Variants in RNF144A observed in about 807,000 individuals in gnomAD.
RNF144A encodes E3 ubiquitin-protein ligase RNF144A.
RNF144A carries 11 observed loss-of-function variants against 38.7 expected under a neutral mutation model. The ratio of observed to expected loss-of-function variants is 0.28; its 90% CI spans 0.18 to 0.47. RNF144A has a LOEUF of 0.47. Ranked by LOEUF, RNF144A falls within the 20% of genes least tolerant of loss-of-function variation. The probability of loss-of-function intolerance (pLI) is 0.99; values close to 1 mark genes in which losing one functional copy is unlikely to be tolerated. For missense variants in RNF144A, 316 were observed against 377.2 expected (o/e 0.84, Z 1.34); for synonymous variants, 149 against 143.9 (o/e 1.04, Z -0.25).
At chr2:7,011,257 C>T (rs1356781332) in intron 3 of RNF144A, among the ~76,000 whole-genome samples, 1 of 152,154 alleles carries the variant, frequency 6.6e-6, no homozygotes, top group Non-Finnish European at 1.5e-5. Flanking sequence ...CACATAGTTG[C>T]TTTTTACGGT....
chr2:6,945,544 G>T (rs1666282080), intron 2 of RNF144A, among the ~76,000 whole-genome samples: 1 of 152,158 alleles, frequency 6.6e-6, no homozygotes, highest in Non-Finnish European at 1.5e-5. Context: ...TCAACTACTG[G>T]CAAGAGAACA....
chr2:6,958,126 C>T lies in RNF144A; in HGVS notation c.-12+16979C>T, dbSNP rs1667122437. Among the ~76,000 whole-genome samples, 1 of 152,252 alleles carries T rather than the reference C, an allele frequency of 6.6e-6. No individual in the cohort carries two copies. The highest frequency in any genetic ancestry group is 1.5e-5 in the Non-Finnish European group (1 of 68,046). ...AAGCACACAGTAGTCTGCAGCCAGGCTGTCATGCGCAGCCACCATGGGGCA... is the reference window on the plus strand; with the variant it reads ...AAGCACACAGTAGTCTGCAGCCAGGTTGTCATGCGCAGCCACCATGGGGCA... On this transcript the variant is annotated intron_variant, in intron 2 of 8. Coordinates refer to ENST00000320892, the MANE Select transcript of RNF144A (RefSeq NM_014746.6). This position sits in a 1 kb window ranked among gnomAD's most constrained non-coding sequence, Gnocchi z 4.5.
chr2:6,989,390 G>T (rs910977063), intron 2 of RNF144A, among the ~76,000 whole-genome samples: 7 of 152,146 alleles, frequency 4.6e-5, no homozygotes, highest in African/African-American at 1.7e-4. Context: ...AAGGGATAGT[G>T]GCTTCAGAAC....
the RNF144A span, among the ~76,000 whole-genome samples, chr2:7,073,861 C>A: frequency 6.6e-6 from 1 of 152,358 alleles, no homozygotes; most frequent in East Asian, 1.9e-4. Flanking sequence ...CTGGTCTGTG[C>A]AGCCTGCAAG....
chr2:7,062,867 A>G lies in RNF144A; in HGVS notation c.735-5349A>G, dbSNP rs376484385. On this transcript the variant is annotated intron_variant, in intron 6 of 6. Transcript: ENST00000432850. ...ACAAATTTGATAGTTTCCAGTGAGC[A>G]CCAGTGAACCCATCAATCCTCTCCT... 3.5e-4 allele frequency: 53 copies of G among 152,350 alleles called. No homozygotes were observed. The East Asian group carries it at 6.9e-3, about 20-fold the overall frequency. 9.4% of individuals were successfully genotyped at this position (152,350 alleles called of 1,614,324 possible).
At chr2:6,992,787 T>C (rs1457468071) in intron 2 of RNF144A, among the ~76,000 whole-genome samples, 1 of 152,192 alleles carries the variant, frequency 6.6e-6, no homozygotes, top group East Asian at 1.9e-4. Flanking sequence ...CAGTGGACTA[T>C]TTTCTCTTCC....
At chr2:7,000,793 T>C (rs1321354858) in intron 3 of RNF144A, among the ~76,000 whole-genome samples, 1 of 151,786 alleles carries the variant, frequency 6.6e-6, no homozygotes, top group Admixed American at 6.6e-5. Flanking sequence ...TATTTTTTAA[T>C]GATGACAAGA....
At chr2:6,997,131 A>T in intron 3 of RNF144A, 70 bp downstream of exon 3, 1 of 1,488,590 alleles carries the variant, frequency 6.7e-7, no homozygotes, top group Non-Finnish European at 9.4e-7. Flanking sequence ...ATTTGCAGAG[A>T]CACTAGGCAA....
intron 2 of RNF144A, among the ~76,000 whole-genome samples, chr2:6,960,482 T>A (rs957313138): frequency 1.3e-5 from 2 of 151,942 alleles, no homozygotes; most frequent in Non-Finnish European, 2.9e-5. Flanking sequence ...GCAATGAGAG[T>A]GGCCAAGGTT....
chr2:7,053,571 A>C (rs2103474831), intron 6 of RNF144A, among the ~76,000 whole-genome samples: 1 of 152,274 alleles, frequency 6.6e-6, no homozygotes, highest in Non-Finnish European at 1.5e-5. Flanking sequence ...GCCACCCTTG[A>C]GTGTTGGAGA....
Position 6,996,908 on chromosome 2 carries a change from C to T in RNF144A, c.-11-8C>T, listed in dbSNP as rs766639049. The T allele has an allele frequency of 1.2e-5, 19 of 1,611,946 alleles. No homozygotes were observed. Among genetic ancestry groups the T allele is most frequent in the Middle Eastern group, 3.7e-4 (2 of 5,354 alleles). On this transcript the variant is annotated splice_polypyrimidine_tract_variant and splice_region_variant and intron_variant, in intron 2 of 8. Coordinates refer to ENST00000320892, the MANE Select transcript of RNF144A (RefSeq NM_014746.6). ...GAGGTCTGACCTTCCGTGCTTCTCT[C>T]GTTTCAGACTGTTCTGCGATGACCA... is the stretch of plus-strand genomic sequence containing the variant.
intron 6 of RNF144A, among the ~76,000 whole-genome samples, chr2:7,055,476 C>T (rs1252489223): frequency 1.3e-5 from 2 of 152,216 alleles, no homozygotes; most frequent in Non-Finnish European, 2.9e-5. Flanking sequence ...TGTTCCTTCT[C>T]AAAACCATTC....
chr2:6,946,058 T>C (rs537550767), intron 2 of RNF144A, among the ~76,000 whole-genome samples: 1 of 152,352 alleles, frequency 6.6e-6, no homozygotes, highest in Non-Finnish European at 1.5e-5. Context: ...TTGAGTGATA[T>C]CATGCTTCTG....
Position 6,944,833 on chromosome 2 carries a change from A to G in RNF144A, c.-12+3686A>G, listed in dbSNP as rs181258793. ...TGTGAAATGGCTTCATATTCACAAAAGAGTCATGGTGAAGTGGCCAAAATA... is the reference window on the plus strand; with the variant it reads ...TGTGAAATGGCTTCATATTCACAAAGGAGTCATGGTGAAGTGGCCAAAATA... On this transcript the variant is annotated intron_variant, in intron 2 of 8. Transcript: ENST00000320892. The surrounding 1 kb of genome is among the most constrained non-coding windows in gnomAD (Gnocchi z 4.7). 1.3e-5 allele frequency among the ~76,000 whole-genome samples: 2 copies of G among 152,348 alleles called. No homozygotes were observed. The highest frequency in any genetic ancestry group is 1.3e-4 in the Admixed American group (2 of 15,310).
In RNF144A at chr2:6,978,337, T is replaced by G. The variant is rs553498668; in HGVS notation, c.-11-18579T>G. On this transcript the variant is annotated intron_variant, in intron 2 of 8. Coordinates refer to ENST00000320892, the MANE Select transcript of RNF144A (RefSeq NM_014746.6). Reference sequence around the variant, plus strand: ...GGACTTGTACTCTCTTAACAGCACATAGTCCCATTAGGCCCATTATCATTT... The same window carrying G: ...GGACTTGTACTCTCTTAACAGCACAGAGTCCCATTAGGCCCATTATCATTT... Among the ~76,000 whole-genome samples the G allele has an allele frequency of 1.4e-4, 21 of 152,346 alleles. No individual in the cohort carries two copies. In the South Asian group the frequency reaches 3.1e-3, roughly 23 times the overall value.
At position 7,040,478 on chromosome 2, in the gene RNF144A, A is replaced by G; in HGVS notation, c.*718A>G. Reference sequence around the variant, plus strand: ...CTTCCTATATTGTTGCATTTCCTTGATAATATTGACGTGTTTAAAGGAACA... The same window carrying G: ...CTTCCTATATTGTTGCATTTCCTTGGTAATATTGACGTGTTTAAAGGAACA... On this transcript the variant is annotated 3_prime_UTR_variant, in exon 9 of 9. Coordinates refer to ENST00000320892, the MANE Select transcript of RNF144A (RefSeq NM_014746.6). The G allele has an allele frequency of 5.1e-6, 5 of 985,314 alleles. No homozygotes were observed. The highest frequency in any genetic ancestry group is 6.0e-6 in the Non-Finnish European group (5 of 829,870). 61.0% of individuals were successfully genotyped at this position (985,314 alleles called of 1,614,324 possible). A position where few individuals can be genotyped will look rare whatever the true frequency, so the allele number is the denominator to read the frequency against.
chr2:6,921,934 T>TA (rs1664562970), intron 1 of RNF144A, among the ~76,000 whole-genome samples: 1 of 152,172 alleles, frequency 6.6e-6, no homozygotes, highest in African/African-American at 2.4e-5. Flanking sequence ...CCAGCTGCCT[T>TA]ACCATTGGCC....
At chr2:7,022,139 G>T (rs560668633) in intron 6 of RNF144A, among the ~76,000 whole-genome samples, 1 of 152,342 alleles carries the variant, frequency 6.6e-6, no homozygotes, top group Non-Finnish European at 1.5e-5. Context: ...AAGCCCCACA[G>T]TCCTCACTAC....
chr2:6,985,372 G>A (rs1668886970), intron 2 of RNF144A, among the ~76,000 whole-genome samples: 1 of 150,838 alleles, frequency 6.6e-6, no homozygotes, highest in African/African-American at 2.4e-5. Flanking sequence ...TGCTCCCTTG[G>A]TGGCCATTCT....
Sources: gnomAD v4.1 joint callset for allele counts (sites outside exome capture counted in the v4.1 genomes callset) on GRCh38, gnomAD v4.1.1 for gene constraint, Gnocchi (gnomAD v3.1) non-coding constraint, MANE v1.5 for transcripts, NCBI Gene and HGNC (gene_info 2026-07-23, HGNC 2026-07-21) for gene names.